The following MUSK variants were observed in gnomAD, a reference collection of about 807,000 sequenced individuals.
MUSK encodes the protein muscle, skeletal receptor tyrosine-protein kinase.
MUSK carries 55 observed loss-of-function variants against 88.7 expected under a neutral mutation model. The ratio of observed to expected loss-of-function variants is 0.62; its 90% confidence interval spans 0.50 to 0.78. The LOEUF is 0.78. MUSK is among the 30% of genes least tolerant of loss of function. The pLI, the probability that MUSK is intolerant of heterozygous loss-of-function variation, is 0.00. For missense variants in MUSK, 1,015 were observed against 1,074.3 expected (o/e 0.94, Z 0.77); for synonymous variants, 387 against 391.9 (o/e 0.99, Z 0.15).
chr9:110,680,878 T>A (rs2076099555), intron 1 of MUSK, among the ~76,000 whole-genome samples: 1 of 140,090 alleles, frequency 7.1e-6, no homozygotes, highest in East Asian at 2.0e-4. Context: ...ATACTTTATA[T>A]CTCCTAACTA....
At position 110,797,280 on chromosome 9, in the gene MUSK, AAAAC is replaced by A. The variant is rs199503450; in HGVS notation, c.1928-3014_1928-3011del. Among the ~76,000 whole-genome samples the A allele has an allele frequency of 1.9e-3, 250 of 130,802 alleles. 4 individuals are homozygous for A. The East Asian group carries it at 0.028, about 15-fold the overall frequency. The allele number at this position is 130,802 out of a possible 152,430, so 85.8% of individuals were successfully genotyped here. A position where few individuals can be genotyped will look rare whatever the true frequency, so the allele number is the denominator to read the frequency against. ...GGAAAAATAAATAATTCACAAATAA[AAAAC>A]AAACAAACAAAAAAAAAGTTTCAGT... On this transcript the variant is annotated intron_variant, in intron 14 of 14. Coordinates refer to ENST00000374448, the MANE Select transcript of MUSK (RefSeq NM_005592.4).
chr9:110,718,597 A>C (rs143735564), intron 5 of MUSK, among the ~76,000 whole-genome samples: 2 of 152,238 alleles, frequency 1.3e-5, no homozygotes, highest in Admixed American at 1.3e-4. Flanking sequence ...AAAAGTCAAA[A>C]CCTAAGAATA....
At position 110,689,242 on chromosome 9, in the gene MUSK, T is replaced by TACAA. The variant is rs1564216688; in HGVS notation, c.358+1975_358+1976insCAAA. On this transcript the variant is annotated intron_variant, in intron 3 of 14. Coordinates refer to ENST00000374448, the MANE Select transcript of MUSK (RefSeq NM_005592.4). ...TATATAATATATAAATATATAAATA[T>TACAA]ATAAACTATATATTTATATATTGTA... is the stretch of plus-strand genomic sequence containing the variant. Among the ~76,000 whole-genome samples, 2 of 115,618 alleles carry TACAA rather than the reference T, an allele frequency of 1.7e-5. 1 individual carries two copies. The highest frequency in any genetic ancestry group is 7.2e-5 in the African/African-American group (2 of 27,752). 75.8% of individuals were successfully genotyped at this position (115,618 alleles called of 152,430 possible). A position where few individuals can be genotyped will look rare whatever the true frequency, so the allele number is the denominator to read the frequency against.
intron 5 of MUSK, among the ~76,000 whole-genome samples, chr9:110,712,719 C>T (rs1376674800): frequency 6.6e-6 from 1 of 152,128 alleles, no homozygotes; most frequent in Non-Finnish European, 1.5e-5. Context: ...AAGGAGAAAG[C>T]TTATCTGCAA....
In MUSK at chr9:110,682,735, C is replaced by G; in HGVS notation, c.141C>G (p.Phe47Leu). 1 of 1,612,870 alleles carries G rather than the reference C, an allele frequency of 6.2e-7. No homozygotes were observed. Among genetic ancestry groups the G allele is most frequent in the Non-Finnish European group, 8.5e-7 (1 of 1,179,014 alleles). The change falls in exon 2 of 15, where the codon TTC (phenylalanine) becomes TTG (leucine). Residue 47 changes from phenylalanine (F) to leucine (L), a missense_variant. Phe to Leu is a conservative substitution (Grantham distance 22). Transcript: ENST00000374448. ...VDALVEEVAT[F>L]MCAVESYPQP... is the part of the protein sequence containing the mutation. ...CCTTAGTTGAAGAAGTGGCTACTTT[C>G]ATGTGTGCAGTGGAATCCTACCCCC...
At chr9:110,743,597 T>G (rs2077131236) in intron 6 of MUSK, among the ~76,000 whole-genome samples, 1 of 152,224 alleles carries the variant, frequency 6.6e-6, no homozygotes, top group Non-Finnish European at 1.5e-5. Flanking sequence ...TAATTTTAAC[T>G]TGTTAGAAGA....
intron 3 of MUSK, among the ~76,000 whole-genome samples, chr9:110,693,508 C>T (rs1413946960): frequency 6.6e-6 from 1 of 152,194 alleles, no homozygotes; most frequent in African/African-American, 2.4e-5. Flanking sequence ...TCAATGCTGG[C>T]ACAGCGGGAT....
chr9:110,690,787 T>C (rs1165738126), intron 3 of MUSK, among the ~76,000 whole-genome samples: 1 of 98,850 alleles, frequency 1.0e-5, no homozygotes, highest in Non-Finnish European at 1.8e-5. Flanking sequence ...AATATAAGTA[T>C]ATATATAAAT....
chr9:110,689,793 T>A (rs1339083951), intron 3 of MUSK, among the ~76,000 whole-genome samples: 1 of 61,142 alleles, frequency 1.6e-5, no homozygotes, highest in African/African-American at 5.8e-5. Context: ...ATATATTTTT[T>A]AATATATAAT....
intron 5 of MUSK, among the ~76,000 whole-genome samples, chr9:110,726,115 CAT>C (rs1203024573): frequency 1.3e-5 from 2 of 152,024 alleles, no homozygotes; most frequent in African/African-American, 4.8e-5. Flanking sequence ...AATGCATAAA[CAT>C]ATATAAATTT....
chr9:110,677,888 A>G (rs1314008116), intron 1 of MUSK, among the ~76,000 whole-genome samples: 4 of 152,212 alleles, frequency 2.6e-5, no homozygotes, highest in Non-Finnish European at 5.9e-5. Context: ...CTATGACTAT[A>G]GTAAATCCTG....
At chr9:110,675,176 G>GCTGCAT (rs1564205070) in intron 1 of MUSK, among the ~76,000 whole-genome samples, 3 of 151,212 alleles carry the variant, frequency 2.0e-5, no homozygotes, top group African/African-American at 7.3e-5. Context: ...GTAAGTGATG[G>GCTGCAT]AGCTGGGATG....
intron 1 of MUSK, 71 bp downstream of exon 1, chr9:110,669,054 C>A: frequency 1.5e-6 from 2 of 1,318,430 alleles, no homozygotes; most frequent in Non-Finnish European, 2.2e-6. Flanking sequence ...GAGATATGAC[C>A]AAGACTGATT....
chr9:110,710,916 G>A (rs13300036), intron 5 of MUSK, among the ~76,000 whole-genome samples: 7,637 of 152,178 alleles, frequency 0.05, 456 homozygotes, highest in African/African-American at 0.14. Flanking sequence ...AAAATTTAGT[G>A]CCATAAAAAA....
chr9:110,781,392 T>C (rs2077755039), intron 11 of MUSK, among the ~76,000 whole-genome samples: 2 of 152,134 alleles, frequency 1.3e-5, no homozygotes, highest in Admixed American at 1.3e-4. Flanking sequence ...TCCTCTTGCC[T>C]CAGCCTCCCG....
chr9:110,782,776 T>C (rs2077782757), intron 11 of MUSK, among the ~76,000 whole-genome samples: 1 of 152,200 alleles, frequency 6.6e-6, no homozygotes, highest in Admixed American at 6.5e-5. Flanking sequence ...TCAGACTAGC[T>C]TTCAAGTCAG....
intron 6 of MUSK, 135 bp from the exon 7 acceptor site, chr9:110,747,506 G>A: frequency 1.2e-6 from 1 of 859,368 alleles, no homozygotes; most frequent in East Asian, 2.5e-5. Flanking sequence ...CACAGGGAGG[G>A]AAAATCTTTT....
chr9:110,672,810 CAA>C (rs760500957), intron 1 of MUSK, among the ~76,000 whole-genome samples: 1 of 152,008 alleles, frequency 6.6e-6, no homozygotes, highest in Non-Finnish European at 1.5e-5. Flanking sequence ...AATAATCAAT[CAA>C]AAGTTGGTAA....
intron 14 of MUSK, among the ~76,000 whole-genome samples, chr9:110,798,249 T>A (rs538453065): frequency 6.6e-6 from 1 of 152,352 alleles, no homozygotes; most frequent in South Asian, 2.1e-4. Flanking sequence ...AAAAGAAATC[T>A]ACTTTGTTTT....
Sources: gnomAD v4.1 joint callset for allele counts (sites outside exome capture counted in the v4.1 genomes callset) on GRCh38, gnomAD v4.1.1 for gene constraint, MANE v1.5 for transcripts, NCBI Gene and HGNC (gene_info 2026-07-23, HGNC 2026-07-21) for gene names.